Variants in UGGT1 observed in about 807,000 individuals in gnomAD.
UGGT1 encodes UDP-glucose glycoprotein glucosyltransferase 1.
In UGGT1, 107 loss-of-function variants were observed where a neutral mutation model predicts 203.9. That is an observed-to-expected ratio of 0.52 (90% CI 0.45 to 0.62). UGGT1 has a LOEUF of 0.62. Among genes scored for constraint, UGGT1 ranks in the 20% least tolerant of loss-of-function variants. The probability of loss-of-function intolerance (pLI) is 0.00; values close to 1 mark genes in which losing one functional copy is unlikely to be tolerated. For synonymous variants in UGGT1, 628 were observed against 653.5 expected (o/e 0.96, Z 0.59); for missense variants, 1,673 against 1,867.2 (o/e 0.90, Z 1.92).
chr2:128,131,687 G>A (rs990235454), intron 13 of UGGT1, among the ~76,000 whole-genome samples: 1 of 152,126 alleles, frequency 6.6e-6, no homozygotes, highest in African/African-American at 2.4e-5. Context: ...AAGTGCAGTG[G>A]TGTGATCTCA....
chr2:128,159,446 A>C, intron 22 of UGGT1, 68 bp from the exon 23 acceptor site: 1 of 1,384,466 alleles, frequency 7.2e-7, no homozygotes, highest in South Asian at 1.2e-5. Flanking sequence ...AACATGACTG[A>C]TGTTAATGCT....
intron 9 of UGGT1, among the ~76,000 whole-genome samples, 198 bp downstream of exon 9, chr2:128,120,654 AAT>A (rs1395054021): frequency 6.6e-6 from 1 of 152,206 alleles, no homozygotes; most frequent in East Asian, 1.9e-4. Flanking sequence ...AGGTAGAAGT[AAT>A]ATATATAAAC....
chr2:128,176,201 G>A lies in UGGT1; in HGVS notation c.3540-613G>A, dbSNP rs188587679. ...GGCCGAGGAGGGTGGATCACTTAAGGTCAGGAGTTTGAGACCAGCCTAGCC... is the reference window on the plus strand; with the variant it reads ...GGCCGAGGAGGGTGGATCACTTAAGATCAGGAGTTTGAGACCAGCCTAGCC... On this transcript the variant is annotated intron_variant, in intron 31 of 40. Transcript: ENST00000259253. 5.1e-3 allele frequency among the ~76,000 whole-genome samples: 778 copies of A among 152,226 alleles called. 5 individuals carry two copies. The highest frequency in any genetic ancestry group is 7.0e-3 in the Non-Finnish European group (477 of 68,016).
intron 4 of UGGT1, 78 bp from the exon 5 acceptor site, chr2:128,109,556 A>G (rs905075404): frequency 5.3e-6 from 6 of 1,141,242 alleles, no homozygotes; most frequent in Non-Finnish European, 7.9e-6. Flanking sequence ...TAATTTAATC[A>G]CCTATTTTGA....
chr2:128,133,911 C>G (rs1223988372), intron 14 of UGGT1, among the ~76,000 whole-genome samples: 1 of 152,138 alleles, frequency 6.6e-6, no homozygotes, highest in Non-Finnish European at 1.5e-5. Context: ...CACTTTTTCC[C>G]TCTCATTTCT....
intron 9 of UGGT1, among the ~76,000 whole-genome samples, chr2:128,120,854 A>G (rs1006822090): frequency 2.6e-5 from 4 of 152,238 alleles, no homozygotes; most frequent in South Asian, 2.1e-4. Context: ...TTTTTCCCCA[A>G]CGTCATTTAC....
chr2:128,112,932 G>A (rs913207548), intron 5 of UGGT1, 152 bp from the exon 6 acceptor site: 2 of 624,474 alleles, frequency 3.2e-6, no homozygotes, highest in Non-Finnish European at 4.9e-6. Context: ...AGTAATCTTA[G>A]TAAGTGAAAA....
At chr2:128,116,237 A>G in intron 7 of UGGT1, 28 bp from the exon 8 acceptor site, 1 of 1,420,876 alleles carries the variant, frequency 7.0e-7, no homozygotes, top group South Asian at 1.2e-5. Flanking sequence ...GCAATTATTA[A>G]TAATATGTAT....
At chr2:128,112,579 T>C (rs1665649618) in intron 5 of UGGT1, among the ~76,000 whole-genome samples, 1 of 54,186 alleles carries the variant, frequency 1.8e-5, no homozygotes, top group Non-Finnish European at 4.5e-5. Context: ...TTGAGATTTA[T>C]TTTATTCGTT....
At chr2:128,091,612 G>C in intron 1 of UGGT1, 197 bp downstream of exon 1, 1 of 1,434,274 alleles carries the variant, frequency 7.0e-7, no homozygotes, top group Non-Finnish European at 9.2e-7. Context: ...GCTTCCGCGG[G>C]GGTGGCGGCG....
chr2:128,187,081 A>G (rs1187885193), intron 39 of UGGT1, among the ~76,000 whole-genome samples: 5 of 152,162 alleles, frequency 3.3e-5, no homozygotes, highest in Non-Finnish European at 5.9e-5. Context: ...TTCTTATCTT[A>G]TAGAATATTT....
At position 128,174,845 on chromosome 2, in the gene UGGT1, T is replaced by C; in HGVS notation, c.3526T>C (p.Tyr1176His). ...TAGGAAGGGACGCTCTGAAGATATT[T>C]ATAGAATTTACAGGTAGGAGTAAGT... ...RLRKGRSEDI[Y>H]RIYSHDGTDS... Residue 1176 changes from tyrosine (Y) to histidine (H), a missense_variant, in exon 31 of 41, where the codon TAT (tyrosine) becomes CAT (histidine). Around this residue, in one of 4 missense-constraint regions of UGGT1, gnomAD observed 513 missense variants for 684.1 expected, o/e 0.75. Transcript: ENST00000259253. 1.9e-6 allele frequency: 3 copies of C among 1,612,784 alleles called. No homozygotes were observed. Among genetic ancestry groups the C allele is most frequent in the Non-Finnish European group, 1.7e-6 (2 of 1,179,434 alleles).
chr2:128,145,223 G>A (rs997534436), intron 17 of UGGT1, among the ~76,000 whole-genome samples: 4 of 152,134 alleles, frequency 2.6e-5, no homozygotes, highest in African/African-American at 9.7e-5. Flanking sequence ...TTTGCATAGA[G>A]CGCTTATAAT....
At chr2:128,124,451 T>C (rs1688519136) in intron 11 of UGGT1, among the ~76,000 whole-genome samples, 1 of 152,108 alleles carries the variant, frequency 6.6e-6, no homozygotes, top group Non-Finnish European at 1.5e-5. Context: ...ATTTCATAAT[T>C]ATGTGTGTTT....
intron 33 of UGGT1, among the ~76,000 whole-genome samples, chr2:128,178,267 G>A (rs1001681832): frequency 4.6e-5 from 7 of 152,120 alleles, no homozygotes; most frequent in African/African-American, 1.7e-4. Context: ...CAACACTGTC[G>A]GAGAGTGAAC....
chr2:128,118,296 T>C (rs1688224422), intron 8 of UGGT1, among the ~76,000 whole-genome samples: 1 of 152,180 alleles, frequency 6.6e-6, no homozygotes, highest in Non-Finnish European at 1.5e-5. Context: ...GACAGGGCTT[T>C]GCTCTGTCAC....
chr2:128,131,518 A>G (rs1688876052), intron 13 of UGGT1, among the ~76,000 whole-genome samples: 1 of 152,194 alleles, frequency 6.6e-6, no homozygotes, highest in South Asian at 2.1e-4. Context: ...TGTTGTAAAC[A>G]CTACTTTAAT....
Position 128,190,001 on chromosome 2 carries a change from CAG to C in UGGT1, c.*262_*263del. 1 of 382,806 alleles carries C rather than the reference CAG, an allele frequency of 2.6e-6. No homozygotes were observed. The allele number at this position is 382,806 out of a possible 1,614,324, so 23.7% of individuals were successfully genotyped here. On this transcript the variant is annotated 3_prime_UTR_variant, in exon 41 of 41. Coordinates refer to ENST00000259253, the MANE Select transcript of UGGT1 (RefSeq NM_020120.4). ...ACTCTGTAAAGAGCATTCTTCTAGT[CAG>C]AGGGTGGAATGGCAGCAGCAACTGG...
chr2:128,100,328 C>T (rs1181814648), intron 2 of UGGT1, among the ~76,000 whole-genome samples: 6 of 152,246 alleles, frequency 3.9e-5, no homozygotes, highest in Middle Eastern at 3.4e-3. Context: ...CGTGAGCCAC[C>T]GGGCCTGGCC....
Sources: gnomAD v4.1 joint callset for allele counts (sites outside exome capture counted in the v4.1 genomes callset) on GRCh38, gnomAD v4.1.1 for gene constraint, gnomAD v4.1.1 regional missense constraint, MANE v1.5 for transcripts, NCBI Gene and HGNC (gene_info 2026-07-23, HGNC 2026-07-21) for gene names.